The following PTGER4 variants were observed in gnomAD, a reference collection of about 807,000 sequenced individuals.
PTGER4 encodes prostaglandin E2 receptor EP4 subtype.
Under a neutral mutation model 33.2 loss-of-function variants are expected in PTGER4, and 11 were observed. The observed-to-expected ratio is 0.33, with a 90% CI of 0.21 to 0.55. The LOEUF (loss-of-function observed/expected upper bound fraction) is 0.55. PTGER4 is among the 20% of genes least tolerant of loss of function. PTGER4 has a pLI of 0.92. For synonymous variants in PTGER4, 275 were observed against 281.5 expected (o/e 0.98, Z 0.23); for missense variants, 481 against 650.2 (o/e 0.74, Z 2.83).
At chr5:40,726,627 A>AT in the PTGER4 span, among the ~76,000 whole-genome samples, 11 of 146,662 alleles carry the variant, frequency 7.5e-5, no homozygotes, top group Non-Finnish European at 7.5e-5. Context: ...AAAAAAAAAA[A>AT]GTCGAACTGG....
rs774439782 is a variant in PTGER4 at position 40,681,560 on chromosome 5, G to C, written c.567G>C (p.Ala189=). 6.2e-7 allele frequency: 1 copy of C among 1,611,614 alleles called. No homozygotes were observed. Reference sequence around the variant, plus strand: ...ACGCCGCCTACTCCTACATGTACGCGGGCTTCAGCTCCTTCCTCATTCTCG... The same window carrying C: ...ACGCCGCCTACTCCTACATGTACGCCGGCTTCAGCTCCTTCCTCATTCTCG... ...TAHAAYSYMY[A]GFSSFLILAT... is the part of the protein sequence containing the mutation. Residue 189 remains alanine, a synonymous_variant, in exon 2 of 3, where the codon GCG becomes GCC. Coordinates refer to ENST00000302472, the MANE Select transcript of PTGER4 (RefSeq NM_000958.3). This position sits in a 1 kb window ranked among gnomAD's most constrained non-coding sequence, Gnocchi z 9.8.
At chr5:40,682,563 G>C (rs1431284343) in intron 2 of PTGER4, among the ~76,000 whole-genome samples, 2 of 152,198 alleles carry the variant, frequency 1.3e-5, no homozygotes, top group Non-Finnish European at 2.9e-5. Flanking sequence ...ATACAGGGCA[G>C]GGTCCAGACT....
chr5:40,681,998 T>A lies in PTGER4; in HGVS notation c.867+138T>A, dbSNP rs991144455. The A allele has an allele frequency of 8.5e-7, 1 of 1,170,862 alleles. No individual in the cohort carries two copies. The highest frequency in any genetic ancestry group is 1.1e-6 in the Non-Finnish European group (1 of 872,416). The allele number at this position is 1,170,862 out of a possible 1,614,324, so 72.5% of individuals were successfully genotyped here. ...TAGGTCGGGGCTGGGATTCCCACAC[T>A]GTTTCTCAGAGCAGGCCCAACCCTC... is the stretch of plus-strand genomic sequence containing the variant. On this transcript the variant is annotated intron_variant, in intron 2 of 2. Coordinates refer to ENST00000302472, the MANE Select transcript of PTGER4 (RefSeq NM_000958.3). The surrounding 1 kb of genome is among the most constrained non-coding windows in gnomAD (Gnocchi z 9.8).
At chr5:40,695,973 T>C (rs1741577835), downstream of PTGER4, among the ~76,000 whole-genome samples, 1 of 152,180 alleles carries the variant, frequency 6.6e-6, no homozygotes. Flanking sequence ...TACTGGGTAC[T>C]ATGTTCACTA....
chr5:40,727,006 T>C, the PTGER4 span, among the ~76,000 whole-genome samples: 1 of 152,192 alleles, frequency 6.6e-6, no homozygotes, highest in Admixed American at 6.5e-5. Flanking sequence ...ATGGTTTCTA[T>C]CACTGTGAAT....
the PTGER4 span, among the ~76,000 whole-genome samples, chr5:40,726,506 C>G: frequency 6.8e-6 from 1 of 147,888 alleles, no homozygotes; most frequent in African/African-American, 2.5e-5. Flanking sequence ...CAGCTTAAAT[C>G]TACATAAAAA....
the PTGER4 span, among the ~76,000 whole-genome samples, chr5:40,733,816 A>AAGCTTAAGTTGTCCC: frequency 6.6e-6 from 1 of 152,208 alleles, no homozygotes; most frequent in Non-Finnish European, 1.5e-5. Context: ...AGTACGAAAT[A>AAGCTTAAGTTGTCCC]AACTAAGAGG....
chr5:40,697,065 GA>G (rs1255479966), downstream of PTGER4, among the ~76,000 whole-genome samples: 5 of 58,192 alleles, frequency 8.6e-5, no homozygotes, highest in Admixed American at 1.8e-4. Flanking sequence ...AGAAAGAAAA[GA>G]AAGAAAGGAA....
intron 2 of PTGER4, among the ~76,000 whole-genome samples, chr5:40,687,793 T>C (rs1183389581): frequency 6.6e-6 from 1 of 152,200 alleles, no homozygotes; most frequent in Admixed American, 6.5e-5. Context: ...CCCTGTGAAC[T>C]CCCCTTTATT....
chr5:40,725,146 C>A, the PTGER4 span, among the ~76,000 whole-genome samples: 8 of 150,984 alleles, frequency 5.3e-5, no homozygotes, highest in African/African-American at 2.0e-4. Context: ...CCATGCCCAG[C>A]CAAATTTTTT....
In PTGER4 at chr5:40,681,524, C is replaced by A; in HGVS notation, c.531C>A (p.Asn177Lys). ...GGTGCTTCATCGACTGGACCACCAA[C>A]GTGACGGCGCACGCCGCCTACTCCT... ...DTWCFIDWTT[N>K]VTAHAAYSYM... Residue 177 changes from asparagine to lysine, a missense_variant, in exon 2 of 3, where the codon AAC becomes AAA. Physicochemically the swap from Asn to Lys is moderately conservative, Grantham distance 94 (BLOSUM62 0). Around this residue, in one of 7 missense-constraint regions of PTGER4, gnomAD observed 174 missense variants for 210.5 expected, o/e 0.83. Transcript: ENST00000302472. The surrounding 1 kb of genome is among the most constrained non-coding windows in gnomAD (Gnocchi z 9.8). The A allele has an allele frequency of 6.2e-7, 1 of 1,612,974 alleles. No individual in the cohort carries two copies. The highest frequency in any genetic ancestry group is 1.1e-5 in the South Asian group (1 of 91,092).
the PTGER4 span, among the ~76,000 whole-genome samples, chr5:40,722,247 G>A: frequency 3.3e-5 from 5 of 152,098 alleles, no homozygotes; most frequent in African/African-American, 7.2e-5. Context: ...GCGTGATCTC[G>A]GCTCGCTGCA....
At chr5:40,713,674 T>G in the PTGER4 span, among the ~76,000 whole-genome samples, 2 of 152,222 alleles carry the variant, frequency 1.3e-5, no homozygotes, top group African/African-American at 4.8e-5. Context: ...CTCTGACTAA[T>G]GAGTGTCTAT....
downstream of PTGER4, among the ~76,000 whole-genome samples, chr5:40,694,575 G>A (rs1352206796): frequency 6.6e-6 from 1 of 152,086 alleles, no homozygotes; most frequent in Non-Finnish European, 1.5e-5. Context: ...TTCTTTCTGT[G>A]TCCTCAGATA....
the PTGER4 span, among the ~76,000 whole-genome samples, chr5:40,703,476 G>T: frequency 2.0e-5 from 3 of 152,056 alleles, no homozygotes; most frequent in Non-Finnish European, 2.9e-5. Flanking sequence ...CCAATAACAA[G>T]CTCTGAAATT....
At chr5:40,741,615 C>T in the PTGER4 span, among the ~76,000 whole-genome samples, 2 of 152,194 alleles carry the variant, frequency 1.3e-5, no homozygotes, top group African/African-American at 4.8e-5. Context: ...TCTCCATCTC[C>T]TCACGCAGCA....
In PTGER4 at chr5:40,680,212, A is replaced by G. The variant is rs933722348; in HGVS notation, c.-310A>G. 6.6e-6 allele frequency: 1 copy of G among 152,486 alleles called. No homozygotes were observed. Among genetic ancestry groups the G allele is most frequent in the African/African-American group, 2.4e-5 (1 of 41,458 alleles). The allele number at this position is 152,486 out of a possible 1,614,324, so 9.4% of individuals were successfully genotyped here. On this transcript the variant is annotated 5_prime_UTR_variant, in exon 1 of 3. Coordinates refer to ENST00000302472, the MANE Select transcript of PTGER4 (RefSeq NM_000958.3). This position sits in a 1 kb window ranked among gnomAD's most constrained non-coding sequence, Gnocchi z 5.5. ...CTGCAAAGCTGGGACTCGTCTTTGAAGGAAAAAAAATAGCGAGTAAGAAAT... is the reference window on the plus strand; with the variant it reads ...CTGCAAAGCTGGGACTCGTCTTTGAGGGAAAAAAAATAGCGAGTAAGAAAT...
the PTGER4 span, among the ~76,000 whole-genome samples, chr5:40,741,585 T>G: frequency 3.3e-5 from 5 of 152,214 alleles, no homozygotes. Context: ...TCTAGCTGTG[T>G]CAGCCTCTCC....
chr5:40,682,853 A>G (rs1741234121), intron 2 of PTGER4, among the ~76,000 whole-genome samples: 1 of 152,196 alleles, frequency 6.6e-6, no homozygotes, highest in African/African-American at 2.4e-5. Context: ...TGGCGTTTGT[A>G]AAGCGTGGGT....
Sources: allele counts gnomAD v4.1 joint callset (sites outside exome capture counted in the v4.1 genomes callset), GRCh38; gene constraint gnomAD v4.1.1; regional missense constraint gnomAD v4.1.1; non-coding constraint Gnocchi (gnomAD v3.1); transcripts MANE v1.5; gene names NCBI Gene and HGNC (gene_info 2026-07-23, HGNC 2026-07-21).